Variants in SLC44A5 observed in about 807,000 individuals in gnomAD.
SLC44A5 encodes solute carrier family 44 member 5, also known as choline transporter-like protein 5.
Under a neutral mutation model 101.8 loss-of-function variants are expected in SLC44A5, and 57 were observed. The observed-to-expected ratio is 0.56, with a 90% CI of 0.45 to 0.70. SLC44A5 has a LOEUF of 0.70. Among genes scored for constraint, SLC44A5 ranks in the 30% least tolerant of loss-of-function variants. SLC44A5 has a pLI of 0.00. For synonymous variants in SLC44A5, 281 were observed against 290.9 expected (o/e 0.97, Z 0.35); for missense variants, 737 against 853.1 (o/e 0.86, Z 1.70).
the SLC44A5 span, among the ~76,000 whole-genome samples, chr1:75,645,444 C>A: frequency 1.3e-5 from 2 of 152,032 alleles, no homozygotes; most frequent in Non-Finnish European, 2.9e-5. Flanking sequence ...AGTGTCTGTT[C>A]ATATCCTTCG....
chr1:75,643,895 T>C, the SLC44A5 span, among the ~76,000 whole-genome samples: 2 of 152,206 alleles, frequency 1.3e-5, no homozygotes, highest in African/African-American at 2.4e-5. Flanking sequence ...AATGTGAGTA[T>C]ACATGGTCAT....
At chr1:75,546,924 T>G (rs1671681649) in intron 1 of SLC44A5, among the ~76,000 whole-genome samples, 1 of 152,198 alleles carries the variant, frequency 6.6e-6, no homozygotes, top group African/African-American at 2.4e-5. Flanking sequence ...TTTGAGATGC[T>G]AAGACATCAC....
chr1:75,684,197 A>G, the SLC44A5 span, among the ~76,000 whole-genome samples: 1 of 152,146 alleles, frequency 6.6e-6, no homozygotes, highest in Non-Finnish European at 1.5e-5. Flanking sequence ...GAAACTGCCC[A>G]TGTGATTCAA....
chr1:75,677,691 T>C, the SLC44A5 span: 2 of 420,908 alleles, frequency 4.8e-6, no homozygotes, highest in Admixed American at 5.8e-5. Context: ...AGTAACTAAA[T>C]GCATAAAAAA....
At chr1:75,684,001 AG>A in the SLC44A5 span, among the ~76,000 whole-genome samples, 2 of 152,310 alleles carry the variant, frequency 1.3e-5, no homozygotes, top group Non-Finnish European at 2.9e-5. Flanking sequence ...AAATTTATAA[AG>A]GAAAGAGGTT....
chr1:75,399,169 C>T (rs2101420648), intron 2 of SLC44A5, among the ~76,000 whole-genome samples: 1 of 151,926 alleles, frequency 6.6e-6, no homozygotes, highest in Non-Finnish European at 1.5e-5. Context: ...CATCCTGAGA[C>T]CTTATTAAAA....
chr1:75,328,127 C>A (rs947964593), intron 4 of SLC44A5, among the ~76,000 whole-genome samples: 5 of 152,230 alleles, frequency 3.3e-5, no homozygotes, highest in African/African-American at 1.2e-4. Flanking sequence ...AGCCTACCCA[C>A]TGGTCTTCTG....
At chr1:75,426,900 C>T (rs566442742) in intron 2 of SLC44A5, among the ~76,000 whole-genome samples, 44 of 152,242 alleles carry the variant, frequency 2.9e-4, no homozygotes, top group Admixed American at 5.2e-4. Context: ...GCGGGACAAG[C>T]TGCAGCGTCC....
intron 5 of SLC44A5, among the ~76,000 whole-genome samples, chr1:75,275,292 CT>C (rs1651831400): frequency 6.6e-6 from 1 of 152,094 alleles, no homozygotes; most frequent in African/African-American, 2.4e-5. Flanking sequence ...AGGTAATGCA[CT>C]TAGAAAATGA....
At chr1:75,331,651 G>T (rs573553566) in intron 4 of SLC44A5, among the ~76,000 whole-genome samples, 4 of 152,230 alleles carry the variant, frequency 2.6e-5, no homozygotes, top group African/African-American at 9.6e-5. Flanking sequence ...ACCCTCACAT[G>T]ACTTTTCCAC....
At chr1:75,280,040 T>C (rs1017479833) in intron 5 of SLC44A5, among the ~76,000 whole-genome samples, 1 of 148,676 alleles carries the variant, frequency 6.7e-6, no homozygotes, top group Non-Finnish European at 1.5e-5. Flanking sequence ...CTTTGAATGA[T>C]GGTCTCCAGT....
the SLC44A5 span, among the ~76,000 whole-genome samples, chr1:75,663,732 C>T: frequency 6.6e-6 from 1 of 152,098 alleles, no homozygotes. Flanking sequence ...GAGCTGGTAC[C>T]AATTCTACTG....
intron 6 of SLC44A5, among the ~76,000 whole-genome samples, chr1:75,255,149 C>T (rs1024630065): frequency 1.3e-5 from 2 of 152,202 alleles, no homozygotes; most frequent in South Asian, 4.1e-4. Flanking sequence ...AGATGACTGA[C>T]TAACACAGCA....
chr1:75,354,390 T>TA (rs1190026570), intron 3 of SLC44A5, among the ~76,000 whole-genome samples: 1 of 152,210 alleles, frequency 6.6e-6, no homozygotes, highest in Non-Finnish European at 1.5e-5. Flanking sequence ...AGGCAGGGCT[T>TA]ACATATCCCA....
At chr1:75,341,962 C>A (rs1657918930) in intron 3 of SLC44A5, among the ~76,000 whole-genome samples, 1 of 152,144 alleles carries the variant, frequency 6.6e-6, no homozygotes, top group African/African-American at 2.4e-5. Flanking sequence ...GACTCTGATG[C>A]ACAGACAGAT....
the SLC44A5 span, among the ~76,000 whole-genome samples, chr1:75,625,897 G>C: frequency 6.6e-6 from 1 of 152,114 alleles, no homozygotes; most frequent in South Asian, 2.1e-4. Flanking sequence ...CACCAGGTGG[G>C]TCTGGGTGCA....
chr1:75,251,528 G>A (rs1011785519), intron 6 of SLC44A5, among the ~76,000 whole-genome samples: 11 of 151,864 alleles, frequency 7.2e-5, no homozygotes, highest in African/African-American at 1.7e-4. Flanking sequence ...AAATAGATTT[G>A]TATACCCATA....
chr1:75,333,592 A>G (rs186807275), intron 4 of SLC44A5, among the ~76,000 whole-genome samples: 3 of 152,190 alleles, frequency 2.0e-5, no homozygotes, highest in Admixed American at 2.0e-4. Context: ...TATGCTTTCT[A>G]TGTGCCAGGC....
chr1:75,637,408 C>T, the SLC44A5 span, among the ~76,000 whole-genome samples: 1,022 of 151,898 alleles, frequency 6.7e-3, 16 homozygotes, highest in Admixed American at 0.037. Flanking sequence ...ATAAGCCAGA[C>T]CCAAAAGGAC....
Sources: allele counts gnomAD v4.1 joint callset (sites outside exome capture counted in the v4.1 genomes callset), GRCh38; gene constraint gnomAD v4.1.1; transcripts MANE v1.5; gene names NCBI Gene and HGNC (gene_info 2026-07-23, HGNC 2026-07-21).